DIP2B: variants seen among roughly 807,000 people sequenced by gnomAD.
DIP2B encodes DIP2 acetate--CoA ligase B (putative).
A neutral mutation model predicts 198.0 loss-of-function variants in DIP2B; 76 were observed. The ratio of observed to expected loss-of-function variants is 0.38; its 90% CI spans 0.32 to 0.46. The LOEUF (loss-of-function observed/expected upper bound fraction) is 0.46. Ranked by LOEUF, DIP2B falls within the 20% of genes least tolerant of loss-of-function variation. The probability of loss-of-function intolerance (pLI) is 0.99; values close to 1 mark genes in which losing one functional copy is unlikely to be tolerated. For synonymous variants in DIP2B, 701 were observed against 739.1 expected (o/e 0.95, Z 0.84); for missense variants, 1,559 against 1,978.4 (o/e 0.79, Z 4.02).
chr12:50,562,668 T>C (rs1471585635), intron 1 of DIP2B, among the ~76,000 whole-genome samples: 3 of 151,606 alleles, frequency 2.0e-5, no homozygotes, highest in Non-Finnish European at 4.4e-5. Flanking sequence ...GGGGAAGTTG[T>C]CGAGGCTGCA....
intron 3 of DIP2B, among the ~76,000 whole-genome samples, chr12:50,657,267 CA>C (rs1938571441): frequency 7.0e-6 from 1 of 143,100 alleles, no homozygotes; most frequent in South Asian, 2.3e-4. Context: ...CAAGAATTAT[CA>C]ATGGATGCTA....
At chr12:50,537,204 A>G (rs1593589315) in intron 1 of DIP2B, among the ~76,000 whole-genome samples, 3 of 121,234 alleles carry the variant, frequency 2.5e-5, no homozygotes, top group East Asian at 2.5e-4. Context: ...CAAGCGATCC[A>G]CCTGCCTTGG....
intron 2 of DIP2B, among the ~76,000 whole-genome samples, chr12:50,629,129 G>T (rs1001072081): frequency 1.3e-5 from 2 of 152,066 alleles, no homozygotes; most frequent in African/African-American, 2.4e-5. Context: ...CAATCCACCC[G>T]TCTCGGCCTC....
At position 50,728,698 on chromosome 12, in the gene DIP2B, G is replaced by A. The variant is rs1939982229; in HGVS notation, c.3641+20G>A. 6.2e-7 allele frequency: 1 copy of A among 1,612,766 alleles called. No individual in the cohort carries two copies. Among genetic ancestry groups the A allele is most frequent in the Admixed American group, 1.7e-5 (1 of 59,968 alleles). ...CTGCAGGTAGGGATGGAAAAGCCAA[G>A]GAGACAGAATGTGTGGGGGTATACT... On this transcript the variant is annotated intron_variant, in intron 30 of 37. Transcript: ENST00000301180.
chr12:50,599,849 C>T (rs1369138809), intron 1 of DIP2B, among the ~76,000 whole-genome samples: 12 of 152,232 alleles, frequency 7.9e-5, no homozygotes, highest in South Asian at 2.1e-4. Context: ...CTGTTTTCTG[C>T]GATGGCAATA....
intron 25 of DIP2B, among the ~76,000 whole-genome samples, chr12:50,720,207 C>T (rs1185896727): frequency 1.3e-5 from 2 of 151,958 alleles, no homozygotes; most frequent in South Asian, 2.1e-4. Flanking sequence ...GGATTATAGG[C>T]TTGAGGCACT....
chr12:50,733,375 T>C (rs910519263), intron 32 of DIP2B, among the ~76,000 whole-genome samples: 1 of 152,092 alleles, frequency 6.6e-6, no homozygotes, highest in Non-Finnish European at 1.5e-5. Flanking sequence ...AGACTAATTT[T>C]ATGTATTAAT....
At position 50,745,876 on chromosome 12, in the gene DIP2B, A is replaced by T. The variant is rs1940334381; in HGVS notation, c.*1037A>T. 6.6e-6 allele frequency: 1 copy of T among 152,234 alleles called. No homozygotes were observed. Among genetic ancestry groups the T allele is most frequent in the South Asian group, 2.1e-4 (1 of 4,832 alleles). The allele number at this position is 152,234 out of a possible 1,614,324, so 9.4% of individuals were successfully genotyped here. A position where few individuals can be genotyped will look rare whatever the true frequency, so the allele number is the denominator to read the frequency against. On this transcript the variant is annotated 3_prime_UTR_variant, in exon 38 of 38. Transcript: ENST00000301180. ...ACATTGTAAACTGTGTCTACAGTTT[A>T]TCCATATAACTTCTCTTCTGAAAAC... is the stretch of plus-strand genomic sequence containing the variant.
chr12:50,697,525 T>G (rs918809762), intron 17 of DIP2B, among the ~76,000 whole-genome samples: 4 of 141,356 alleles, frequency 2.8e-5, no homozygotes, highest in Admixed American at 1.5e-4. Flanking sequence ...TGTGTGTATA[T>G]AGATATACTT....
At chr12:50,578,504 C>CTTTTTTTTTTTTTTTTTTTT (rs62685162) in intron 1 of DIP2B, among the ~76,000 whole-genome samples, 1 of 111,604 alleles carries the variant, frequency 9.0e-6, no homozygotes, top group Non-Finnish European at 1.8e-5. Flanking sequence ...GTTATTTGCT[C>CTTTTTTTTTTTTTTTTTTTT]TTTTTTTTTT....
chr12:50,530,233 C>A (rs751469128), intron 1 of DIP2B, among the ~76,000 whole-genome samples: 3 of 152,172 alleles, frequency 2.0e-5, no homozygotes, highest in Non-Finnish European at 4.4e-5. Context: ...CCCGCCATCA[C>A]GCCTGGCTAA....
intron 26 of DIP2B, among the ~76,000 whole-genome samples, chr12:50,722,086 AATT>A (rs1247119069): frequency 1.3e-5 from 2 of 151,802 alleles, no homozygotes; most frequent in African/African-American, 4.8e-5. Flanking sequence ...AGGGGTTCAG[AATT>A]ATTTGGTGAC....
At chr12:50,586,948 G>C (rs548145705) in intron 1 of DIP2B, among the ~76,000 whole-genome samples, 2 of 152,144 alleles carry the variant, frequency 1.3e-5, no homozygotes, top group Non-Finnish European at 2.9e-5. Flanking sequence ...GTTTTTGCTT[G>C]TATATGCTTC....
At chr12:50,619,470 G>T (rs765536787) in intron 1 of DIP2B, among the ~76,000 whole-genome samples, 2 of 152,062 alleles carry the variant, frequency 1.3e-5, no homozygotes, top group East Asian at 1.9e-4. Flanking sequence ...ACCAAATGTC[G>T]TCTGCTCCGT....
intron 3 of DIP2B, among the ~76,000 whole-genome samples, chr12:50,653,347 T>TTTTTTTTTTTTTTTTTTTTTTC (rs1938494779): frequency 2.5e-5 from 1 of 39,276 alleles, no homozygotes; most frequent in African/African-American, 1.8e-4. Context: ...TTTTCTTTTC[T>TTTTTTTTTTTTTTTTTTTTTTC]TTTTTTTTTT....
At chr12:50,633,078 C>T (rs1386093602) in intron 2 of DIP2B, among the ~76,000 whole-genome samples, 1 of 152,020 alleles carries the variant, frequency 6.6e-6, no homozygotes, top group Non-Finnish European at 1.5e-5. Flanking sequence ...CTCTCCCTGC[C>T]TTGTGAATGA....
In DIP2B at chr12:50,724,824, T is replaced by A; in HGVS notation, c.3338T>A (p.Leu1113Gln). 6.2e-7 allele frequency: 1 copy of A among 1,614,186 alleles called. No homozygotes were observed. Among genetic ancestry groups the A allele is most frequent in the Non-Finnish European group, 8.5e-7 (1 of 1,180,020 alleles). The change falls in exon 28 of 38, where the codon CTG becomes CAG. Residue 1113 changes from leucine (L) to glutamine (Q), a missense_variant. By Grantham distance (113) the Leu-to-Gln change is moderately radical. Transcript: ENST00000301180. ...ILTSQTLMRL[L>Q]RSREAAAAVD... ...ACCAGTCAGACCCTAATGAGGCTACTGAGGTCCCGAGAGGCAGCAGCAGCT... is the reference window on the plus strand; with the variant it reads ...ACCAGTCAGACCCTAATGAGGCTACAGAGGTCCCGAGAGGCAGCAGCAGCT...
chr12:50,691,096 G>C lies in DIP2B; in HGVS notation c.1599G>C (p.Arg533=), dbSNP rs749399516. 6.2e-7 allele frequency: 1 copy of C among 1,613,998 alleles called. No individual in the cohort carries two copies. The highest frequency in any genetic ancestry group is 1.1e-5 in the South Asian group (1 of 91,080). Residue 533 remains arginine (R), a synonymous_variant, in exon 13 of 38, where the codon CGG becomes CGC. Coordinates refer to ENST00000301180, the MANE Select transcript of DIP2B (RefSeq NM_173602.3). ...EGSVMGVTVS[R]LAMLSHCQAL... is the part of the protein sequence containing the mutation. The stretch of plus-strand genomic sequence containing the variant: ...GTGTAATGGGAGTTACAGTATCCCG[G>C]CTTGCAATGTTGTCTCACTGCCAAG...
At chr12:50,659,323 A>G (rs961019418) in intron 3 of DIP2B, among the ~76,000 whole-genome samples, 1 of 152,182 alleles carries the variant, frequency 6.6e-6, no homozygotes, top group Non-Finnish European at 1.5e-5. Flanking sequence ...TCATTGGTCT[A>G]GCTCTTATAA....
Sources: allele counts gnomAD v4.1 joint callset (sites outside exome capture counted in the v4.1 genomes callset), GRCh38; gene constraint gnomAD v4.1.1; transcripts MANE v1.5; gene names NCBI Gene and HGNC (gene_info 2026-07-23, HGNC 2026-07-21).